PPP1R9A: variants seen among roughly 807,000 people sequenced by gnomAD.
PPP1R9A encodes protein phosphatase 1 regulatory subunit 9A, also known as neurabin-1.
Under a neutral mutation model 141.9 loss-of-function variants are expected in PPP1R9A, and 59 were observed. The observed-to-expected ratio is 0.42, with a 90% CI of 0.34 to 0.52. The LOEUF (loss-of-function observed/expected upper bound fraction) is 0.52, where lower values mean the gene tolerates loss of function less well. PPP1R9A is among the 20% of genes least tolerant of loss of function. The probability of loss-of-function intolerance (pLI) is 0.10; values close to 1 mark genes in which losing one functional copy is unlikely to be tolerated. For missense variants in PPP1R9A, 1,444 were observed against 1,611.9 expected (o/e 0.90, Z 1.78); for synonymous variants, 500 against 569.7 (o/e 0.88, Z 1.74).
rs142958119 is a variant in PPP1R9A at position 95,113,288 on chromosome 7, A to G, written c.1528+1897A>G. 1.1e-4 allele frequency among the ~76,000 whole-genome samples: 16 copies of G among 152,224 alleles called. No individual in the cohort carries two copies. The East Asian group carries it at 3.1e-3, about 30-fold the overall frequency. ...AAAAATCATGAAAGAGTCCCAATATATAAGTTGTAGGCAACAGAAGAGAAA... is the reference window on the plus strand; with the variant it reads ...AAAAATCATGAAAGAGTCCCAATATGTAAGTTGTAGGCAACAGAAGAGAAA... On this transcript the variant is annotated intron_variant, in intron 3 of 19. Transcript: ENST00000433360.
At chr7:94,915,942 T>C (rs1167129042) in intron 2 of PPP1R9A, among the ~76,000 whole-genome samples, 3 of 152,244 alleles carry the variant, frequency 2.0e-5, no homozygotes, top group African/African-American at 4.8e-5. Flanking sequence ...ATGACTGATA[T>C]GGAAGTAATG....
At position 95,295,798 on chromosome 7, in the gene PPP1R9A, A is replaced by G. The variant is rs1005857440; in HGVS notation, c.*5495A>G. 1 of 152,526 alleles carries G rather than the reference A, an allele frequency of 6.6e-6. No individual in the cohort carries two copies. Among genetic ancestry groups the G allele is most frequent in the African/African-American group, 2.4e-5 (1 of 41,448 alleles). The allele number at this position is 152,526 out of a possible 1,614,324, so 9.4% of individuals were successfully genotyped here. ...GAATTAAGAGGCACTCCAGCCAGATAACACCTCCCAACAACATGAAATTTA... is the reference window on the plus strand; with the variant it reads ...GAATTAAGAGGCACTCCAGCCAGATGACACCTCCCAACAACATGAAATTTA... On this transcript the variant is annotated 3_prime_UTR_variant, in exon 20 of 20. Coordinates refer to ENST00000433360, the MANE Select transcript of PPP1R9A (RefSeq NM_001166160.2).
At chr7:95,281,509 A>G (rs1259672429) in intron 16 of PPP1R9A, among the ~76,000 whole-genome samples, 1 of 152,188 alleles carries the variant, frequency 6.6e-6, no homozygotes, top group Non-Finnish European at 1.5e-5. Flanking sequence ...CTGGATGCAC[A>G]GGTCCATGTG....
chr7:95,236,421 T>C (rs1471651390), intron 8 of PPP1R9A, among the ~76,000 whole-genome samples: 4 of 152,052 alleles, frequency 2.6e-5, no homozygotes, highest in Non-Finnish European at 5.9e-5. Flanking sequence ...ATAATAATTA[T>C]TACTCTGTTC....
At chr7:95,073,624 G>GTTTTTTTTTT (rs36077129) in intron 2 of PPP1R9A, among the ~76,000 whole-genome samples, 2 of 105,558 alleles carry the variant, frequency 1.9e-5, no homozygotes, top group Non-Finnish European at 3.8e-5. Context: ...AAAGAAATAA[G>GTTTTTTTTTT]TTTTTTTTTT....
At chr7:94,959,582 G>A (rs1420589722) in intron 2 of PPP1R9A, among the ~76,000 whole-genome samples, 1 of 151,412 alleles carries the variant, frequency 6.6e-6, no homozygotes, top group Non-Finnish European at 1.5e-5. Flanking sequence ...AAAATTTTAT[G>A]CATGTCACAA....
At chr7:95,188,149 T>C (rs1186106576) in intron 5 of PPP1R9A, among the ~76,000 whole-genome samples, 2 of 152,200 alleles carry the variant, frequency 1.3e-5, no homozygotes, top group Admixed American at 6.5e-5. Context: ...AATTGTTTTA[T>C]AAATTTAGGA....
At chr7:95,078,205 C>T (rs1398227672) in intron 2 of PPP1R9A, among the ~76,000 whole-genome samples, 3 of 147,002 alleles carry the variant, frequency 2.0e-5, no homozygotes, top group South Asian at 4.4e-4. Context: ...TGTTCAATTC[C>T]CACCTATGAG....
intron 4 of PPP1R9A, among the ~76,000 whole-genome samples, chr7:95,142,252 G>T (rs1298964083): frequency 6.6e-6 from 1 of 151,962 alleles, no homozygotes; most frequent in Non-Finnish European, 1.5e-5. Flanking sequence ...CTGGACAGAA[G>T]TTTCTTATCA....
intron 2 of PPP1R9A, among the ~76,000 whole-genome samples, chr7:95,064,898 C>T (rs188917807): frequency 2.0e-5 from 3 of 152,246 alleles, no homozygotes; most frequent in Non-Finnish European, 4.4e-5. Context: ...AAATTAACCA[C>T]ATTTGTATAA....
At chr7:95,118,132 A>T (rs901019448) in intron 3 of PPP1R9A, among the ~76,000 whole-genome samples, 23 of 152,194 alleles carry the variant, frequency 1.5e-4, no homozygotes, top group Non-Finnish European at 3.2e-4. Flanking sequence ...GAAAAACCCT[A>T]TGCATGTAAC....
chr7:94,915,746 T>G (rs1791993498), intron 2 of PPP1R9A, among the ~76,000 whole-genome samples: 1 of 152,196 alleles, frequency 6.6e-6, no homozygotes, highest in African/African-American at 2.4e-5. Context: ...CCCTTCCCCA[T>G]TAATGATGTG....
At chr7:94,972,774 T>A (rs1798996906) in intron 2 of PPP1R9A, among the ~76,000 whole-genome samples, 1 of 152,172 alleles carries the variant, frequency 6.6e-6, no homozygotes, top group Non-Finnish European at 1.5e-5. Context: ...TGGAACATTT[T>A]AGGATTTAGG....
chr7:95,133,015 A>G (rs1824941727), intron 4 of PPP1R9A, among the ~76,000 whole-genome samples: 1 of 152,188 alleles, frequency 6.6e-6, no homozygotes, highest in Non-Finnish European at 1.5e-5. Context: ...GCCATGACCA[A>G]GAAGAATTAG....
At chr7:95,065,662 ACAGAC>A (rs978632462) in intron 2 of PPP1R9A, among the ~76,000 whole-genome samples, 2 of 152,204 alleles carry the variant, frequency 1.3e-5, no homozygotes, top group African/African-American at 4.8e-5. Flanking sequence ...CATCTTCTGC[ACAGAC>A]CAAAGTAGTG....
intron 5 of PPP1R9A, among the ~76,000 whole-genome samples, chr7:95,195,155 A>G (rs1836057750): frequency 6.6e-6 from 1 of 152,172 alleles, no homozygotes; most frequent in African/African-American, 2.4e-5. Flanking sequence ...ATGGAAATCA[A>G]TTTACAAGAT....
chr7:95,289,767 C>T (rs1461019561), intron 19 of PPP1R9A, among the ~76,000 whole-genome samples: 1 of 152,178 alleles, frequency 6.6e-6, no homozygotes, highest in Non-Finnish European at 1.5e-5. Flanking sequence ...TTTAGCAATA[C>T]CTTTACCCGT....
At chr7:94,956,491 T>A (rs972534426) in intron 2 of PPP1R9A, among the ~76,000 whole-genome samples, 6 of 152,170 alleles carry the variant, frequency 3.9e-5, no homozygotes, top group Non-Finnish European at 7.3e-5. Flanking sequence ...TTATTTCATT[T>A]TCTGGTTGTT....
intron 7 of PPP1R9A, among the ~76,000 whole-genome samples, chr7:95,206,785 T>G (rs948024565): frequency 6.6e-6 from 1 of 152,212 alleles, no homozygotes; most frequent in East Asian, 1.9e-4. Context: ...TCGTTAATGC[T>G]TAAATGTTAT....
Sources: gnomAD v4.1 joint callset for allele counts (sites outside exome capture counted in the v4.1 genomes callset) on GRCh38, gnomAD v4.1.1 for gene constraint, MANE v1.5 for transcripts, NCBI Gene and HGNC (gene_info 2026-07-23, HGNC 2026-07-21) for gene names.